The following JAM3 variants were observed in gnomAD, a reference collection of about 807,000 sequenced individuals.
The protein encoded by JAM3 is junctional adhesion molecule C.
In JAM3, 31 loss-of-function variants were observed where a neutral mutation model predicts 39.4. The observed-to-expected ratio is 0.79, with a 90% CI of 0.59 to 1.06. The LOEUF is 1.06. JAM3 is among the 50% of genes least tolerant of loss of function. The probability of loss-of-function intolerance (pLI) is 0.00; values close to 1 mark genes in which losing one functional copy is unlikely to be tolerated. For missense variants in JAM3, 455 were observed against 391.4 expected, an observed-to-expected ratio of 1.16 and a Z score of -1.37; for synonymous variants, 182 against 148.7, an observed-to-expected ratio of 1.22 and a Z score of -1.63.
chr11:134,069,099 C>T lies in JAM3; in HGVS notation c.16C>T (p.Pro6Ser), dbSNP rs750249892. The stretch of plus-strand genomic sequence containing the variant: ...AACCCTCGACATGGCGCTGAGGCGG[C>T]CACCGCGACTCCGGCTCTGCGCTCG... MALRR[P>S]PRLRLCARLP... The change falls in exon 1 of 9, where the codon CCA (proline) becomes TCA (serine). Residue 6 changes from proline (P) to serine (S), a missense_variant. Physicochemically the swap from Pro to Ser is moderately conservative, Grantham distance 74 (BLOSUM62 -1). Coordinates refer to ENST00000299106, the MANE Select transcript of JAM3 (RefSeq NM_032801.5). 1.9e-6 allele frequency: 3 copies of T among 1,611,678 alleles called. No homozygotes were observed. Among genetic ancestry groups the T allele is most frequent in the African/African-American group, 1.3e-5 (1 of 74,838 alleles).
At chr11:134,139,745 G>A (rs1942940348) in intron 1 of JAM3, 106 bp from the exon 2 acceptor site, 1 of 847,440 alleles carries the variant, frequency 1.2e-6, no homozygotes, top group East Asian at 2.4e-5. Flanking sequence ...CATCCTCTGT[G>A]GTTAGTAACC....
In JAM3 at chr11:134,149,185, C is replaced by T. The variant is rs1031148564; in HGVS notation, c.*4C>T. ...CAAGTCATCGTTTGTGATCTGAGAC[C>T]CGCGGTGTGGCTGAGAGCGCACAGA... On this transcript the variant is annotated 3_prime_UTR_variant, in exon 9 of 9. Transcript: ENST00000299106. 2.5e-6 allele frequency: 4 copies of T among 1,613,984 alleles called. No individual in the cohort carries two copies. The Admixed American group carries it at 6.7e-5, about 27-fold the overall frequency.
chr11:134,103,773 A>G (rs1035519190), intron 1 of JAM3, among the ~76,000 whole-genome samples: 5 of 152,246 alleles, frequency 3.3e-5, no homozygotes, highest in Non-Finnish European at 7.3e-5. Flanking sequence ...AGGCCATTAC[A>G]TAATGGTAAA....
At chr11:134,102,370 CCAT>C (rs1421628623) in intron 1 of JAM3, among the ~76,000 whole-genome samples, 4 of 152,200 alleles carry the variant, frequency 2.6e-5, no homozygotes, top group Non-Finnish European at 4.4e-5. Context: ...CTGTATGTCA[CCAT>C]CATCGAGGAC....
intron 1 of JAM3, among the ~76,000 whole-genome samples, chr11:134,110,522 T>C (rs1591788295): frequency 6.6e-6 from 1 of 152,296 alleles, no homozygotes; most frequent in South Asian, 2.1e-4. Context: ...ATAATTATGC[T>C]GAGTGAAAAA....
rs1217874308 is a variant in JAM3 at position 134,131,531 on chromosome 11, TAAC to T, written c.77-8318_77-8316del. On this transcript the variant is annotated intron_variant, in intron 1 of 8. Transcript: ENST00000299106. Reference sequence around the variant, plus strand: ...CAGCATCAACAACAACAACAAAAAATAACAGAGCATACAAAGAAACAGGAAAAC... The same window carrying T: ...CAGCATCAACAACAACAACAAAAAATAGAGCATACAAAGAAACAGGAAAAC... 2.0e-5 allele frequency among the ~76,000 whole-genome samples: 3 copies of T among 151,862 alleles called. No individual in the cohort carries two copies. In the East Asian group the frequency reaches 5.8e-4, roughly 29 times the overall value.
chr11:134,107,033 G>A (rs980734285), intron 1 of JAM3, among the ~76,000 whole-genome samples: 4 of 152,242 alleles, frequency 2.6e-5, no homozygotes, highest in East Asian at 1.9e-4. Flanking sequence ...ACATGCACAC[G>A]TATGTGTATT....
chr11:134,091,038 G>T (rs1280215215), intron 1 of JAM3, among the ~76,000 whole-genome samples: 1 of 152,002 alleles, frequency 6.6e-6, no homozygotes. Context: ...ATTCCTACAG[G>T]GTTCATTCTT....
chr11:134,148,044 C>A, intron 6 of JAM3: 1 of 194,398 alleles, frequency 5.1e-6, no homozygotes, highest in Non-Finnish European at 1.1e-5. Context: ...GTCAGGCAGC[C>A]GGCAGAGACA....
At chr11:134,100,521 C>T (rs1308072280) in intron 1 of JAM3, among the ~76,000 whole-genome samples, 1 of 152,288 alleles carries the variant, frequency 6.6e-6, no homozygotes, top group South Asian at 2.1e-4. Context: ...TTTTGAGTTA[C>T]CACTGTATTT....
chr11:134,105,348 G>A (rs548643744), intron 1 of JAM3, among the ~76,000 whole-genome samples: 29 of 152,182 alleles, frequency 1.9e-4, no homozygotes, highest in South Asian at 1.9e-3. Context: ...TTGATGGGAC[G>A]TATCTCAAAA....
intron 1 of JAM3, among the ~76,000 whole-genome samples, chr11:134,116,223 T>G (rs1277432340): frequency 6.6e-6 from 1 of 152,230 alleles, no homozygotes; most frequent in African/African-American, 2.4e-5. Flanking sequence ...TAAGATGTTA[T>G]GAGGCTATTC....
In JAM3 at chr11:134,145,818, A is replaced by C. The variant is rs1018939890; in HGVS notation, c.613-128A>C. ...ATCAGGGAGTGGGTCAGGGAGGAAC[A>C]TGCACAGTGCTGGGGAAGCTGAAAG... On this transcript the variant is annotated intron_variant, in intron 5 of 8. Coordinates refer to ENST00000299106, the MANE Select transcript of JAM3 (RefSeq NM_032801.5). 2.7e-5 allele frequency: 20 copies of C among 745,264 alleles called. No homozygotes were observed. In the Admixed American group the frequency reaches 3.1e-4, roughly 12 times the overall value. 46.2% of individuals were successfully genotyped at this position (745,264 alleles called of 1,614,324 possible).
chr11:134,093,525 A>G (rs1941915100), intron 1 of JAM3, among the ~76,000 whole-genome samples: 1 of 130,170 alleles, frequency 7.7e-6, no homozygotes, highest in African/African-American at 3.1e-5. Flanking sequence ...GCTTCTCCTG[A>G]GCCCTCCTTA....
chr11:134,132,394 T>G (rs552260407), intron 1 of JAM3, among the ~76,000 whole-genome samples: 1 of 152,160 alleles, frequency 6.6e-6, no homozygotes, highest in African/African-American at 2.4e-5. Context: ...AGGGAGTTAA[T>G]TACCACCAGA....
chr11:134,129,591 A>G (rs753181852), intron 1 of JAM3, among the ~76,000 whole-genome samples: 29 of 152,216 alleles, frequency 1.9e-4, no homozygotes, highest in South Asian at 4.1e-4. Flanking sequence ...ATGATAATAA[A>G]TGGTCCCTCT....
At chr11:134,080,723 T>G (rs654160) in intron 1 of JAM3, among the ~76,000 whole-genome samples, 31,819 of 151,954 alleles carry the variant, frequency 0.21, 3,560 homozygotes, top group East Asian at 0.39. Context: ...GAAAATAGAT[T>G]AAAAGAGTAA....
At chr11:134,091,664 G>C (rs1343536139) in intron 1 of JAM3, among the ~76,000 whole-genome samples, 1 of 151,626 alleles carries the variant, frequency 6.6e-6, no homozygotes, top group Non-Finnish European at 1.5e-5. Flanking sequence ...CTGAGTTACA[G>C]CTTTGGTAGT....
intron 1 of JAM3, among the ~76,000 whole-genome samples, chr11:134,125,725 A>G (rs1942636037): frequency 6.6e-6 from 1 of 152,228 alleles, no homozygotes; most frequent in East Asian, 1.9e-4. Context: ...GAGAATGTAC[A>G]GCTCGTTCAA....
Sources: allele counts gnomAD v4.1 joint callset (sites outside exome capture counted in the v4.1 genomes callset), GRCh38; gene constraint gnomAD v4.1.1; transcripts MANE v1.5; gene names NCBI Gene and HGNC (gene_info 2026-07-23, HGNC 2026-07-21).